Variants in DNAJB14 observed in about 807,000 individuals in gnomAD.
DNAJB14 encodes dnaJ homolog subfamily B member 14.
A neutral mutation model predicts 48.4 loss-of-function variants in DNAJB14; 22 were observed. That is an observed-to-expected ratio of 0.45 (90% CI 0.32 to 0.65). The LOEUF (loss-of-function observed/expected upper bound fraction) is 0.65, where lower values mean the gene tolerates loss of function less well. Ranked by LOEUF, DNAJB14 falls within the 30% of genes least tolerant of loss-of-function variation. The pLI is 0.03. For synonymous variants in DNAJB14, 142 were observed against 158.7 expected (o/e 0.89, Z 0.79); for missense variants, 319 against 458.8 (o/e 0.70, Z 2.78).
chr4:99,926,232 G>A (rs1398420298), intron 2 of DNAJB14: 2 of 152,106 alleles, frequency 1.3e-5, no homozygotes, highest in African/African-American at 2.4e-5. Flanking sequence ...CTCTTTACTT[G>A]TCTGATAACA....
At chr4:99,921,683 TG>T (rs1485098563) in intron 3 of DNAJB14, among the ~76,000 whole-genome samples, 5 of 152,150 alleles carry the variant, frequency 3.3e-5, no homozygotes, top group African/African-American at 1.2e-4. Flanking sequence ...TTTTAGCTTT[TG>T]GGGGAATATA....
At chr4:99,904,431 A>C (rs985046827) in intron 6 of DNAJB14, among the ~76,000 whole-genome samples, 1 of 152,160 alleles carries the variant, frequency 6.6e-6, no homozygotes, top group Non-Finnish European at 1.5e-5. Context: ...AATGTATACA[A>C]ACTTTGTTTC....
chr4:99,936,910 G>C (rs1345800552), intron 1 of DNAJB14, among the ~76,000 whole-genome samples: 1 of 152,182 alleles, frequency 6.6e-6, no homozygotes, highest in Non-Finnish European at 1.5e-5. Flanking sequence ...ATTTTTTCAG[G>C]AAAGAATAAC....
chr4:99,936,379 TCA>T (rs1482733357), intron 1 of DNAJB14, among the ~76,000 whole-genome samples: 1 of 152,226 alleles, frequency 6.6e-6, no homozygotes, highest in Non-Finnish European at 1.5e-5. Flanking sequence ...TGTGCATGTG[TCA>T]CAGATACTAA....
intron 6 of DNAJB14, among the ~76,000 whole-genome samples, chr4:99,905,331 C>T (rs1017642587): frequency 6.6e-6 from 1 of 152,012 alleles, no homozygotes; most frequent in Admixed American, 6.6e-5. Context: ...CAACACATTA[C>T]CTACCACATT....
intron 1 of DNAJB14, among the ~76,000 whole-genome samples, chr4:99,940,505 C>T (rs932992827): frequency 6.6e-6 from 1 of 152,132 alleles, no homozygotes; most frequent in African/African-American, 2.4e-5. Context: ...GCAAGATAAT[C>T]GCTTGAACCC....
intron 3 of DNAJB14, 29 bp downstream of exon 3, chr4:99,923,011 G>T (rs921226453): frequency 1.3e-6 from 2 of 1,577,390 alleles, no homozygotes; most frequent in Non-Finnish European, 1.7e-6. Context: ...AGACAGCTTA[G>T]TAAAATTGCT....
At chr4:99,919,503 G>C (rs896117871) in intron 3 of DNAJB14, among the ~76,000 whole-genome samples, 1 of 152,114 alleles carries the variant, frequency 6.6e-6, no homozygotes, top group African/African-American at 2.4e-5. Flanking sequence ...AGAATTGCTT[G>C]AACCCGAGAG....
chr4:99,903,685 T>G (rs1725370047), intron 7 of DNAJB14, 41 bp downstream of exon 7: 1 of 1,573,314 alleles, frequency 6.4e-7, no homozygotes, highest in African/African-American at 1.4e-5. Context: ...TTCCAAAGAC[T>G]GCGAATAAGT....
intron 5 of DNAJB14, chr4:99,906,238 C>A: frequency 7.6e-7 from 1 of 1,311,518 alleles, no homozygotes; most frequent in South Asian, 1.4e-5. Flanking sequence ...TCTTCAGGGC[C>A]AACAATAACA....
At chr4:99,906,409 A>C in intron 5 of DNAJB14, 108 bp downstream of exon 5, 1 of 1,136,068 alleles carries the variant, frequency 8.8e-7, no homozygotes, top group East Asian at 2.5e-5. Context: ...ACCTCTAGTA[A>C]GAGAAAACTC....
intron 3 of DNAJB14, among the ~76,000 whole-genome samples, chr4:99,909,740 G>A (rs930871658): frequency 6.6e-6 from 1 of 151,854 alleles, no homozygotes; most frequent in African/African-American, 2.4e-5. Flanking sequence ...AAAAAGAAAT[G>A]AGTAAAAGTA....
Position 99,903,760 on chromosome 4 carries a change from A to G in DNAJB14, c.981T>C (p.Asn327=). 6.2e-7 allele frequency: 1 copy of G among 1,610,316 alleles called. No homozygotes were observed. Among genetic ancestry groups the G allele is most frequent in the South Asian group, 1.1e-5 (1 of 90,684 alleles). The change falls in exon 7 of 8, where the codon AAT becomes AAC. Residue 327 remains asparagine, a synonymous_variant. Transcript: ENST00000442697. The stretch of plus-strand genomic sequence containing the variant: ...TTTCTTTCCAGCAGTTATTTCGAAT[A>G]TTAGTCACATAATCTTCCTCCACAC... The part of the protein sequence containing the change: ...EKSVEEDYVT[N]IRNNCWKERQ...
chr4:99,946,401 G>C (rs1005016796), intron 1 of DNAJB14, 38 bp downstream of exon 1: 1 of 1,583,734 alleles, frequency 6.3e-7, no homozygotes, highest in African/African-American at 1.3e-5. Flanking sequence ...CGGTGGTCTG[G>C]GGATTGGGCA....
chr4:99,906,810 G>A (rs552293095), intron 4 of DNAJB14, among the ~76,000 whole-genome samples, 199 bp from the exon 5 acceptor site: 4 of 152,104 alleles, frequency 2.6e-5, no homozygotes, highest in Non-Finnish European at 4.4e-5. Context: ...ATCTGCTTCC[G>A]TTACAGGTAG....
At chr4:99,946,325 C>T in intron 1 of DNAJB14, 114 bp downstream of exon 1, 1 of 1,495,470 alleles carries the variant, frequency 6.7e-7, no homozygotes, top group Non-Finnish European at 9.0e-7. Context: ...CTGGGGCTGG[C>T]TCAGACAGGC....
At chr4:99,939,377 A>G (rs1028432797) in intron 1 of DNAJB14, among the ~76,000 whole-genome samples, 1 of 152,250 alleles carries the variant, frequency 6.6e-6, no homozygotes, top group Non-Finnish European at 1.5e-5. Context: ...ATTTTTTTAA[A>G]TGAAATAAAA....
intron 2 of DNAJB14, chr4:99,927,869 A>G (rs900441615): frequency 3.3e-5 from 5 of 152,166 alleles, no homozygotes; most frequent in African/African-American, 4.8e-5. Context: ...AAACAAAAAC[A>G]TACATCATGT....
chr4:99,927,917 C>G (rs896579670), intron 2 of DNAJB14: 2 of 152,112 alleles, frequency 1.3e-5, no homozygotes, highest in Non-Finnish European at 2.9e-5. Context: ...ACTAAAGCAA[C>G]ACTTATGAAG....
Sources: allele counts gnomAD v4.1 joint callset (sites outside exome capture counted in the v4.1 genomes callset), GRCh38; gene constraint gnomAD v4.1.1; transcripts MANE v1.5; gene names NCBI Gene and HGNC (gene_info 2026-07-23, HGNC 2026-07-21).